The following TENM2 variants were observed in gnomAD, a reference collection of about 807,000 sequenced individuals.
TENM2 encodes the protein teneurin transmembrane protein 2, also known as teneurin-2.
A neutral mutation model predicts 245.2 loss-of-function variants in TENM2; 52 were observed. The ratio of observed to expected loss-of-function variants is 0.21; its 90% CI spans 0.17 to 0.27. The LOEUF (loss-of-function observed/expected upper bound fraction) is 0.27, where lower values mean the gene tolerates loss of function less well. TENM2 is among the 10% of genes least tolerant of loss of function. TENM2 has a pLI of 1.00. For synonymous variants in TENM2, 1,363 were observed against 1,438.9 expected, an observed-to-expected ratio of 0.95 and a Z score of 1.19; for missense variants, 3,046 against 3,666.8, an observed-to-expected ratio of 0.83 and a Z score of 4.37.
intron 2 of TENM2, among the ~76,000 whole-genome samples, chr5:167,420,765 C>T (rs1763459517): frequency 6.6e-6 from 1 of 152,108 alleles, no homozygotes; most frequent in South Asian, 2.1e-4. Context: ...GAATTTACTC[C>T]CCTATCACAA....
At chr5:167,755,416 T>A (rs1371310785) in intron 2 of TENM2, among the ~76,000 whole-genome samples, 2 of 151,714 alleles carry the variant, frequency 1.3e-5, no homozygotes, top group Non-Finnish European at 2.9e-5. Flanking sequence ...GATCTGAATT[T>A]TTTTTTTGCT....
chr5:167,365,572 G>T lies in TENM2; in HGVS notation c.227-9626G>T, dbSNP rs189326593. Among the ~76,000 whole-genome samples, 185 of 151,290 alleles carry T rather than the reference G, an allele frequency of 1.2e-3. 2 individuals carry two copies. Among genetic ancestry groups the T allele is most frequent in the Admixed American group, 1.9e-3 (29 of 15,174 alleles). On this transcript the variant is annotated intron_variant, in intron 1 of 28. Transcript: ENST00000518659. The stretch of plus-strand genomic sequence containing the variant: ...TATCAAAAATGAAAGAAAGAATACT[G>T]TTAGAGATTTACACATATTAAAAAA...
chr5:167,923,364 T>C (rs892084396), intron 3 of TENM2, among the ~76,000 whole-genome samples: 1 of 151,848 alleles, frequency 6.6e-6, no homozygotes, highest in Non-Finnish European at 1.5e-5. Context: ...TAGAATGTTT[T>C]CAGGCTTTAA....
intron 3 of TENM2, among the ~76,000 whole-genome samples, chr5:167,880,626 T>C (rs1583269211): frequency 1.3e-5 from 2 of 152,198 alleles, no homozygotes; most frequent in Non-Finnish European, 2.9e-5. Flanking sequence ...AGCTCATGTG[T>C]GTATCCAGAT....
intron 1 of TENM2, among the ~76,000 whole-genome samples, chr5:167,349,560 TTC>T (rs1418791063): frequency 6.6e-6 from 1 of 152,144 alleles, no homozygotes; most frequent in East Asian, 1.9e-4. Flanking sequence ...TACATAGTAA[TTC>T]TCTTTTCTTA....
At chr5:167,215,828 C>G in the TENM2 span, among the ~76,000 whole-genome samples, 76 of 152,308 alleles carry the variant, frequency 5.0e-4, no homozygotes, top group African/African-American at 1.6e-3. Flanking sequence ...ATCAATGATT[C>G]TTTCCTTGTT....
At chr5:167,173,435 G>A in the TENM2 span, among the ~76,000 whole-genome samples, 3 of 152,124 alleles carry the variant, frequency 2.0e-5, no homozygotes, top group African/African-American at 7.2e-5. Context: ...GATGGGCTAG[G>A]CTACCTGTGT....
chr5:167,358,519 C>T (rs1044074696), intron 1 of TENM2, among the ~76,000 whole-genome samples: 3 of 151,514 alleles, frequency 2.0e-5, no homozygotes, highest in Non-Finnish European at 2.9e-5. Flanking sequence ...CTTATGGTCC[C>T]TCTTTCCATA....
the TENM2 span, among the ~76,000 whole-genome samples, chr5:167,204,325 C>G: frequency 6.6e-6 from 1 of 152,056 alleles, no homozygotes; most frequent in Admixed American, 6.5e-5. Flanking sequence ...GTAATTGAGG[C>G]AATAGCATCC....
At chr5:167,575,469 GA>G (rs1774586202) in intron 2 of TENM2, among the ~76,000 whole-genome samples, 1 of 152,074 alleles carries the variant, frequency 6.6e-6, no homozygotes, top group South Asian at 2.1e-4. Context: ...TTCCAAACCG[GA>G]CTTGCTCCTC....
intron 3 of TENM2, among the ~76,000 whole-genome samples, chr5:167,886,033 T>G (rs1161314633): frequency 6.6e-6 from 1 of 152,216 alleles, no homozygotes; most frequent in Non-Finnish European, 1.5e-5. Context: ...GCTCCCCTTG[T>G]GTGTCTTCTC....
At chr5:167,482,398 T>C (rs1767809858) in intron 2 of TENM2, among the ~76,000 whole-genome samples, 1 of 152,182 alleles carries the variant, frequency 6.6e-6, no homozygotes, top group Non-Finnish European at 1.5e-5. Context: ...TCTCCTTTGG[T>C]GGGATCATTG....
intron 5 of TENM2, among the ~76,000 whole-genome samples, chr5:168,023,544 G>A (rs1284900102): frequency 6.6e-6 from 1 of 152,210 alleles, no homozygotes; most frequent in Non-Finnish European, 1.5e-5. Flanking sequence ...TCATGGCCGG[G>A]GTCCAGGGGG....
intron 4 of TENM2, among the ~76,000 whole-genome samples, chr5:167,990,071 C>G (rs925317094): frequency 6.6e-6 from 1 of 152,146 alleles, no homozygotes; most frequent in Non-Finnish European, 1.5e-5. Flanking sequence ...CCTTACAATG[C>G]CTTTACGTTC....
intron 3 of TENM2, among the ~76,000 whole-genome samples, chr5:167,881,466 C>T (rs576716460): frequency 5.9e-5 from 9 of 152,250 alleles, no homozygotes; most frequent in East Asian, 5.8e-4. Context: ...GTAGACACTC[C>T]GTAAGTATTT....
chr5:168,133,537 A>G (rs1754774259), intron 12 of TENM2, among the ~76,000 whole-genome samples: 1 of 152,210 alleles, frequency 6.6e-6, no homozygotes, highest in African/African-American at 2.4e-5. Context: ...GTAGGCTCCC[A>G]TAATATACAC....
At chr5:167,002,692 G>T in the TENM2 span, among the ~76,000 whole-genome samples, 293 of 151,558 alleles carry the variant, frequency 1.9e-3, 6 homozygotes, top group Admixed American at 0.014. Context: ...CCTGTTCTTC[G>T]AGCCCAGGAG....
At chr5:167,198,485 A>C in the TENM2 span, among the ~76,000 whole-genome samples, 1 of 152,080 alleles carries the variant, frequency 6.6e-6, no homozygotes, top group African/African-American at 2.4e-5. Flanking sequence ...AAATGGCTCA[A>C]AGGTAGCCAC....
chr5:168,213,198 A>G (rs896830321), intron 20 of TENM2, among the ~76,000 whole-genome samples: 1 of 152,240 alleles, frequency 6.6e-6, no homozygotes, highest in Non-Finnish European at 1.5e-5. Context: ...AGGAAAGGAA[A>G]GGAATGAAAC....
Sources: allele counts gnomAD v4.1 joint callset (sites outside exome capture counted in the v4.1 genomes callset), GRCh38; gene constraint gnomAD v4.1.1; transcripts MANE v1.5; gene names NCBI Gene and HGNC (gene_info 2026-07-23, HGNC 2026-07-21).